Variants in KPNA3 observed in about 807,000 individuals in gnomAD.
KPNA3 encodes importin subunit alpha-4.
In KPNA3, 13 loss-of-function variants were observed where a neutral mutation model predicts 73.8. The ratio of observed to expected loss-of-function variants is 0.18; its 90% CI spans 0.11 to 0.28. KPNA3 has a LOEUF of 0.28. Among genes scored for constraint, KPNA3 ranks in the 10% least tolerant of loss-of-function variants. The pLI is 1.00. For missense variants in KPNA3, 360 were observed against 618.1 expected, an observed-to-expected ratio of 0.58 and a Z score of 4.43; for synonymous variants, 186 against 206.9, an observed-to-expected ratio of 0.90 and a Z score of 0.87.
intron 1 of KPNA3, among the ~76,000 whole-genome samples, chr13:49,770,502 G>A (rs934649235): frequency 4.0e-5 from 6 of 151,844 alleles, no homozygotes; most frequent in Admixed American, 6.6e-5. Context: ...CCTTGATGGC[G>A]TATTTTGAAG....
chr13:49,738,849 GC>G (rs1954548042), intron 2 of KPNA3, among the ~76,000 whole-genome samples: 1 of 152,038 alleles, frequency 6.6e-6, no homozygotes, highest in Admixed American at 6.6e-5. Flanking sequence ...TATGGCACTG[GC>G]TAGAACTTCC....
chr13:49,739,941 G>C (rs1469046086), intron 2 of KPNA3, among the ~76,000 whole-genome samples: 2 of 152,128 alleles, frequency 1.3e-5, no homozygotes, highest in Non-Finnish European at 2.9e-5. Context: ...TATAAGCTGT[G>C]GAATAATAGC....
At chr13:49,746,373 C>G (rs951614967) in intron 2 of KPNA3, among the ~76,000 whole-genome samples, 2 of 151,988 alleles carry the variant, frequency 1.3e-5, no homozygotes, top group Non-Finnish European at 2.9e-5. Flanking sequence ...AGCTACTCAG[C>G]CAGCTGAGGT....
At chr13:49,787,037 G>C (rs1325851203) in intron 1 of KPNA3, among the ~76,000 whole-genome samples, 1 of 152,088 alleles carries the variant, frequency 6.6e-6, no homozygotes, top group Non-Finnish European at 1.5e-5. Flanking sequence ...GGTGAAGGAG[G>C]GGAAGAGAAG....
intron 11 of KPNA3, among the ~76,000 whole-genome samples, chr13:49,710,203 G>A (rs970282172): frequency 7.9e-5 from 12 of 152,122 alleles, no homozygotes; most frequent in African/African-American, 1.9e-4. Flanking sequence ...CAGAGGCTGC[G>A]GTGAGCAGAG....
intron 1 of KPNA3, among the ~76,000 whole-genome samples, chr13:49,775,490 C>A (rs1024948977): frequency 1.3e-5 from 2 of 152,138 alleles, no homozygotes; most frequent in African/African-American, 4.8e-5. Context: ...GGGAGAAGTT[C>A]ATCCATATGG....
rs1954484826 is a variant in KPNA3, at chr13:49,733,059, C to G, written c.115-13G>C. 1.2e-5 allele frequency: 19 copies of G among 1,530,826 alleles called. No homozygotes were observed. The highest frequency in any genetic ancestry group is 2.7e-5 in the African/African-American group (2 of 72,998). 94.8% of individuals were successfully genotyped at this position (1,530,826 alleles called of 1,614,324 possible). A position where few individuals can be genotyped will look rare whatever the true frequency, so the allele number is the denominator to read the frequency against. On this transcript the variant is annotated splice_polypyrimidine_tract_variant and intron_variant, in intron 2 of 16. Transcript: ENST00000261667. The stretch of plus-strand genomic sequence containing the variant: ...CATCTCTTTTGTTCTGAAAGGCAAC[C>G]AATAAATGCTTAAGAAGTCATAAGG...
At chr13:49,790,477 T>C (rs1955023903) in intron 1 of KPNA3, among the ~76,000 whole-genome samples, 1 of 152,228 alleles carries the variant, frequency 6.6e-6, no homozygotes, top group South Asian at 2.1e-4. Flanking sequence ...AAAAATACTT[T>C]ACTCATGTAA....
chr13:49,733,987 G>T (rs1954496342), intron 2 of KPNA3, among the ~76,000 whole-genome samples: 1 of 152,198 alleles, frequency 6.6e-6, no homozygotes, highest in Non-Finnish European at 1.5e-5. Flanking sequence ...AAAATTGTTA[G>T]CTCAATAAAA....
intron 10 of KPNA3, among the ~76,000 whole-genome samples, chr13:49,717,096 A>G (rs985418583): frequency 6.6e-6 from 1 of 152,176 alleles, no homozygotes; most frequent in Non-Finnish European, 1.5e-5. Context: ...AGCAAAATAC[A>G]TCTACCTACA....
intron 2 of KPNA3, among the ~76,000 whole-genome samples, chr13:49,737,876 T>C (rs1954538819): frequency 6.6e-6 from 1 of 152,204 alleles, no homozygotes; most frequent in African/African-American, 2.4e-5. Context: ...AACTTGTCTT[T>C]TCTATCTTTT....
chr13:49,749,041 A>T (rs1326229417), intron 1 of KPNA3, among the ~76,000 whole-genome samples: 1 of 152,216 alleles, frequency 6.6e-6, no homozygotes, highest in African/African-American at 2.4e-5. Context: ...AAATATTTTC[A>T]TTGCAATATT....
At chr13:49,783,304 A>C (rs907388340) in intron 1 of KPNA3, among the ~76,000 whole-genome samples, 1 of 152,186 alleles carries the variant, frequency 6.6e-6, no homozygotes, top group African/African-American at 2.4e-5. Flanking sequence ...CCATATTTTA[A>C]CTGCTGATGT....
intron 1 of KPNA3, among the ~76,000 whole-genome samples, chr13:49,769,686 A>G (rs529766089): frequency 6.6e-6 from 1 of 152,312 alleles, no homozygotes; most frequent in South Asian, 2.1e-4. Flanking sequence ...CTTCCATTCA[A>G]GGACATTTGG....
chr13:49,763,691 T>C (rs982073421), intron 1 of KPNA3, among the ~76,000 whole-genome samples: 1 of 152,108 alleles, frequency 6.6e-6, no homozygotes, highest in Non-Finnish European at 1.5e-5. Flanking sequence ...TCCCAGCACT[T>C]TGGAGGCCTA....
chr13:49,730,519 CAAAAAAAAAAAAAAAAAA>C (rs55725741), intron 6 of KPNA3, among the ~76,000 whole-genome samples: 43 of 27,294 alleles, frequency 1.6e-3, no homozygotes, highest in Admixed American at 2.7e-3. Context: ...GACTCTGTCT[CAAAAAAAAAAAAAAAAAA>C]AAAAAAAAAA....
At chr13:49,741,001 T>C (rs1462465497) in intron 2 of KPNA3, among the ~76,000 whole-genome samples, 1 of 152,234 alleles carries the variant, frequency 6.6e-6, no homozygotes, top group African/African-American at 2.4e-5. Flanking sequence ...GGCTAAAAAG[T>C]ATTCCACTAT....
chr13:49,783,101 C>T (rs189666544), intron 1 of KPNA3, among the ~76,000 whole-genome samples: 5 of 152,160 alleles, frequency 3.3e-5, no homozygotes, highest in South Asian at 2.1e-4. Context: ...AACCTGAAGG[C>T]ATCACTTATG....
rs1258895495 is a variant in KPNA3, at chr13:49,747,022, G to A, written c.70-29C>T. On this transcript the variant is annotated intron_variant, in intron 1 of 16. Transcript: ENST00000261667. ...GAAAAGAAAAACAAAGATTACAGAT[G>A]TATCAAAATACGGACACTGCTAGTA... 10 of 1,547,122 alleles carry A rather than the reference G, an allele frequency of 6.5e-6. No homozygotes were observed. In the East Asian group the frequency reaches 1.8e-4, roughly 28 times the overall value.
Sources: gnomAD v4.1 joint callset for allele counts (sites outside exome capture counted in the v4.1 genomes callset) on GRCh38, gnomAD v4.1.1 for gene constraint, MANE v1.5 for transcripts, NCBI Gene and HGNC (gene_info 2026-07-23, HGNC 2026-07-21) for gene names.